Variants in SDK1 observed in about 807,000 individuals in gnomAD.
The protein encoded by SDK1 is protein sidekick-1.
In SDK1, 157 loss-of-function variants were observed where a neutral mutation model predicts 245.5. The observed-to-expected ratio is 0.64, with a 90% confidence interval of 0.56 to 0.73. SDK1 has a LOEUF of 0.73. Ranked by LOEUF, SDK1 falls within the 30% of genes least tolerant of loss-of-function variation. SDK1 has a pLI of 0.00. For missense variants in SDK1, 3,583 were observed against 3,002.3 expected (o/e 1.19, Z -4.52); for synonymous variants, 1,647 against 1,278.5 (o/e 1.29, Z -6.15).
intron 20 of SDK1, among the ~76,000 whole-genome samples, chr7:4,072,792 C>T (rs987450408): frequency 1.3e-5 from 2 of 152,148 alleles, no homozygotes; most frequent in Non-Finnish European, 1.5e-5. Flanking sequence ...GGGCCAGAGG[C>T]GCTGTTGGAA....
chr7:3,859,444 T>C (rs1474279983), intron 5 of SDK1, among the ~76,000 whole-genome samples: 1 of 152,164 alleles, frequency 6.6e-6, no homozygotes, highest in Non-Finnish European at 1.5e-5. Flanking sequence ...TGGTTTTTTT[T>C]TCAGTAAGGT....
intron 5 of SDK1, among the ~76,000 whole-genome samples, chr7:3,826,241 A>C (rs1014544556): frequency 1.3e-5 from 2 of 152,274 alleles, no homozygotes; most frequent in East Asian, 1.9e-4. Flanking sequence ...TTACTTATCA[A>C]TTCTAAGCAT....
chr7:4,059,208 C>G (rs1230773162), intron 19 of SDK1, among the ~76,000 whole-genome samples: 2 of 152,110 alleles, frequency 1.3e-5, no homozygotes, highest in South Asian at 2.1e-4. Context: ...ACAAGAAACT[C>G]AGCTCACTTG....
chr7:4,063,275 C>A (rs1416706719), intron 19 of SDK1, among the ~76,000 whole-genome samples: 1 of 152,016 alleles, frequency 6.6e-6, no homozygotes, highest in Non-Finnish European at 1.5e-5. Context: ...TAGCAACACA[C>A]AAAAATCAGT....
At chr7:3,997,896 C>A (rs1784801067) in intron 14 of SDK1, among the ~76,000 whole-genome samples, 1 of 152,242 alleles carries the variant, frequency 6.6e-6, no homozygotes, top group African/African-American at 2.4e-5. Context: ...GCCCCCAGAT[C>A]AGAGTGGGTG....
chr7:3,775,621 C>T (rs1775595890), intron 4 of SDK1, among the ~76,000 whole-genome samples: 1 of 150,344 alleles, frequency 6.7e-6, no homozygotes, highest in Non-Finnish European at 1.5e-5. Context: ...CCAGGCCGGA[C>T]TGCGGACTGC....
intron 17 of SDK1, among the ~76,000 whole-genome samples, chr7:4,029,856 T>C (rs1168371877): frequency 1.3e-5 from 2 of 152,090 alleles, no homozygotes; most frequent in South Asian, 2.1e-4. Context: ...ATAAATTGCT[T>C]TGTTAGATTG....
At chr7:3,486,566 T>C (rs1295810574) in intron 1 of SDK1, among the ~76,000 whole-genome samples, 1 of 152,148 alleles carries the variant, frequency 6.6e-6, no homozygotes, top group Non-Finnish European at 1.5e-5. Flanking sequence ...GACCCTGCTG[T>C]GGCTGTTTCC....
At chr7:3,937,933 G>A (rs185480982) in intron 5 of SDK1, among the ~76,000 whole-genome samples, 27 of 152,230 alleles carry the variant, frequency 1.8e-4, no homozygotes, top group African/African-American at 6.0e-4. Context: ...CGCCTCCCAT[G>A]TTCAAGCAGT....
At chr7:4,178,415 TA>T (rs1782382125) in intron 34 of SDK1, 69 bp from the exon 35 acceptor site, 1 of 1,150,938 alleles carries the variant, frequency 8.7e-7, no homozygotes. Flanking sequence ...TTGTGGTTCA[TA>T]GGGGGAACTT....
At chr7:3,620,875 A>C (rs1781917271) in intron 2 of SDK1, among the ~76,000 whole-genome samples, 3 of 113,644 alleles carry the variant, frequency 2.6e-5, no homozygotes, top group Admixed American at 8.5e-5. Flanking sequence ...TGCTTACATT[A>C]TTGGGCCTAC....
At chr7:3,581,596 CAA>C (rs1427306268) in intron 1 of SDK1, among the ~76,000 whole-genome samples, 1 of 152,016 alleles carries the variant, frequency 6.6e-6, no homozygotes, top group Admixed American at 6.6e-5. Flanking sequence ...GGTGATTCCT[CAA>C]AGAGCTAAAA....
intron 4 of SDK1, among the ~76,000 whole-genome samples, chr7:3,800,761 A>G (rs1456578194): frequency 6.6e-6 from 1 of 152,048 alleles, no homozygotes; most frequent in Non-Finnish European, 1.5e-5. Context: ...ACTCCTAAAT[A>G]TACACACACC....
chr7:3,648,625 G>A (rs568672997), intron 4 of SDK1, among the ~76,000 whole-genome samples: 1 of 152,124 alleles, frequency 6.6e-6, no homozygotes, highest in African/African-American at 2.4e-5. Flanking sequence ...TTAAATTAGC[G>A]CTTGCATTGG....
chr7:3,377,579 C>T (rs1412818297), intron 1 of SDK1, among the ~76,000 whole-genome samples: 1 of 151,968 alleles, frequency 6.6e-6, no homozygotes, highest in African/African-American at 2.4e-5. Context: ...CCCACGACTC[C>T]CCGTCTCTGT....
At chr7:3,421,928 T>C (rs1007849710) in intron 1 of SDK1, among the ~76,000 whole-genome samples, 1 of 152,144 alleles carries the variant, frequency 6.6e-6, no homozygotes, top group African/African-American at 2.4e-5. Flanking sequence ...CCAGCACTTC[T>C]GGAGGCTTAG....
intron 4 of SDK1, among the ~76,000 whole-genome samples, chr7:3,800,754 C>G (rs1779088217): frequency 2.0e-5 from 3 of 152,090 alleles, no homozygotes; most frequent in South Asian, 2.1e-4. Context: ...CTGGATCACT[C>G]CTAAATATAC....
intron 4 of SDK1, among the ~76,000 whole-genome samples, chr7:3,653,343 T>G (rs7810317): frequency 6.6e-6 from 1 of 151,864 alleles, no homozygotes; most frequent in Non-Finnish European, 1.5e-5. Context: ...AAAACTCGGT[T>G]GTCACTTGGG....
At chr7:3,854,278 G>A (rs1780487378) in intron 5 of SDK1, among the ~76,000 whole-genome samples, 1 of 152,138 alleles carries the variant, frequency 6.6e-6, no homozygotes, top group Admixed American at 6.5e-5. Context: ...TTGTGACTGA[G>A]AGAAGACTAC....
Sources: allele counts gnomAD v4.1 joint callset (sites outside exome capture counted in the v4.1 genomes callset), GRCh38; gene constraint gnomAD v4.1.1; transcripts MANE v1.5; gene names NCBI Gene and HGNC (gene_info 2026-07-23, HGNC 2026-07-21).